DYNLRB2: variants seen among roughly 807,000 people sequenced by gnomAD.
The protein encoded by DYNLRB2 is dynein light chain roadblock-type 2.
Under a neutral mutation model 12.6 loss-of-function variants are expected in DYNLRB2, and 14 were observed. That is an observed-to-expected ratio of 1.11 (90% CI 0.73 to 1.73). DYNLRB2 has a LOEUF of 1.73. Ranked by LOEUF, DYNLRB2 falls within the 40% of genes most tolerant of loss-of-function variation. The pLI is 0.00. For synonymous variants in DYNLRB2, 53 were observed against 37.0 expected (o/e 1.43, Z -1.57); for missense variants, 142 against 117.7 (o/e 1.21, Z -0.95).
At chr16:80,550,170 T>C (rs1904751801) in intron 3 of DYNLRB2, among the ~76,000 whole-genome samples, 2 of 152,220 alleles carry the variant, frequency 1.3e-5, no homozygotes, top group Admixed American at 1.3e-4. Flanking sequence ...AACAAACCTC[T>C]GTAACAGCAA....
chr16:80,541,993 A>G (rs1233020450), intron 1 of DYNLRB2, among the ~76,000 whole-genome samples: 1 of 152,208 alleles, frequency 6.6e-6, no homozygotes. Flanking sequence ...TTCCTCTTCC[A>G]TTTTGTTCAA....
chr16:80,543,431 C>A, intron 2 of DYNLRB2, 80 bp downstream of exon 2: 1 of 1,354,378 alleles, frequency 7.4e-7, no homozygotes, highest in Non-Finnish European at 1.0e-6. Context: ...TTAAGACAAA[C>A]ATCTTCGAAT....
rs561988065 is a variant in DYNLRB2 at position 80,541,030 on chromosome 16, G to C, written c.-47G>C. ...CGGCGGGTAGCGTTGTTGACATCCC[G>C]GGAGGCTGTGCCGCCGGCCTGAGCC... On this transcript the variant is annotated 5_prime_UTR_variant, in exon 1 of 4. Transcript: ENST00000305904. 1.8e-5 allele frequency: 29 copies of C among 1,600,014 alleles called. No individual in the cohort carries two copies. Among genetic ancestry groups the C allele is most frequent in the Non-Finnish European group, 2.3e-5 (27 of 1,171,538 alleles).
intron 2 of DYNLRB2, among the ~76,000 whole-genome samples, chr16:80,543,988 C>A (rs1904317039): frequency 6.6e-6 from 1 of 152,188 alleles, no homozygotes; most frequent in Non-Finnish European, 1.5e-5. Context: ...CTTAAGAGTT[C>A]ATGCTAGTTT....
chr16:80,544,054 A>G (rs1567516502), intron 2 of DYNLRB2, among the ~76,000 whole-genome samples: 1 of 152,236 alleles, frequency 6.6e-6, no homozygotes, highest in Non-Finnish European at 1.5e-5. Context: ...CCAGAGCATT[A>G]GTTAAAATAA....
chr16:80,547,970 A>G (rs928148178), intron 2 of DYNLRB2: 2 of 323,212 alleles, frequency 6.2e-6, no homozygotes, highest in African/African-American at 2.2e-5. Flanking sequence ...TTCAAAGTCA[A>G]AATTGATGGT....
At chr16:80,541,770 T>C (rs1314625749) in intron 1 of DYNLRB2, among the ~76,000 whole-genome samples, 1 of 151,736 alleles carries the variant, frequency 6.6e-6, no homozygotes, top group Admixed American at 6.6e-5. Context: ...GTTTGGGAGA[T>C]AAGTAAAGGG....
At chr16:80,548,045 C>A in intron 2 of DYNLRB2, 1 of 312,848 alleles carries the variant, frequency 3.2e-6, no homozygotes, top group South Asian at 2.7e-5. Flanking sequence ...TTCTTGAAAG[C>A]GCTTGTCTCG....
chr16:80,543,602 A>C (rs184768018), intron 2 of DYNLRB2, among the ~76,000 whole-genome samples: 238 of 152,306 alleles, frequency 1.6e-3, no homozygotes, highest in Non-Finnish European at 3.0e-3. Context: ...AGCACTATAC[A>C]TTGTTTACTT....
chr16:80,542,959 C>A (rs1904302112), intron 1 of DYNLRB2, among the ~76,000 whole-genome samples: 1 of 152,122 alleles, frequency 6.6e-6, no homozygotes, highest in African/African-American at 2.4e-5. Context: ...GGACAAATTT[C>A]CATGCAATGT....
rs35885070 is a variant in DYNLRB2, at chr16:80,550,547, C to G, written c.280C>G (p.Pro94Ala). Residue 94 changes from proline to alanine, a missense_variant, in exon 4 of 4, where the codon CCA becomes GCA. Coordinates refer to ENST00000305904, the MANE Select transcript of DYNLRB2 (RefSeq NM_130897.3). ...ATATCTTCTGATCGTCATTCAGAAT[C>G]CATGTGAATAGACCTGCGATGGCCA... ...KEYLLIVIQN[P>A]CE 3 of 1,614,168 alleles carry G rather than the reference C, an allele frequency of 1.9e-6. No individual in the cohort carries two copies. Among genetic ancestry groups the G allele is most frequent in the African/African-American group, 1.3e-5 (1 of 75,040 alleles).
rs558101927 is a variant in DYNLRB2, at chr16:80,550,723, G to T, written c.*165G>T. ...TCATTTAGTCCCTTTTGATTATATT[G>T]TGAAGTTGTACTTTAGTGATACAAT... On this transcript the variant is annotated 3_prime_UTR_variant, in exon 4 of 4. Coordinates refer to ENST00000305904, the MANE Select transcript of DYNLRB2 (RefSeq NM_130897.3). 57 of 728,206 alleles carry T rather than the reference G, an allele frequency of 7.8e-5. No individual in the cohort carries two copies. Among genetic ancestry groups the T allele is most frequent in the Non-Finnish European group, 2.3e-6 (1 of 441,332 alleles). 45.1% of individuals were successfully genotyped at this position (728,206 alleles called of 1,614,324 possible).
At position 80,549,745 on chromosome 16, in the gene DYNLRB2, T is replaced by C. The variant is rs74031512; in HGVS notation, c.247+94T>C. The C allele has an allele frequency of 2.1e-3, 2,689 of 1,278,566 alleles. 49 individuals are homozygous for C. In the African/African-American group the frequency reaches 0.037, roughly 17 times the overall value. The allele number at this position is 1,278,566 out of a possible 1,614,324, so 79.2% of individuals were successfully genotyped here. On this transcript the variant is annotated intron_variant, in intron 3 of 3. Transcript: ENST00000305904. ...TGAATGGTAAGTACAGATTTTAGTA[T>C]AGAATATAAAACATAATATTCTTCT... is the stretch of plus-strand genomic sequence containing the variant.
At chr16:80,548,588 G>C (rs1010247702) in intron 2 of DYNLRB2, among the ~76,000 whole-genome samples, 1 of 152,002 alleles carries the variant, frequency 6.6e-6, no homozygotes, top group Non-Finnish European at 1.5e-5. Flanking sequence ...CGGGCGTGGT[G>C]GTGGGTTCCT....
At position 80,543,890 on chromosome 16, in the gene DYNLRB2, A is replaced by C. The variant is rs572228261; in HGVS notation, c.79+539A>C. On this transcript the variant is annotated intron_variant, in intron 2 of 3. Coordinates refer to ENST00000305904, the MANE Select transcript of DYNLRB2 (RefSeq NM_130897.3). Reference sequence around the variant, plus strand: ...CTATGAAATCTGTAGACTTACCAGAAACTTGCTCTTGCTGCACGATCCTTG... The same window carrying C: ...CTATGAAATCTGTAGACTTACCAGACACTTGCTCTTGCTGCACGATCCTTG... Among the ~76,000 whole-genome samples the C allele has an allele frequency of 2.3e-3, 343 of 152,332 alleles. 2 individuals carry two copies. Among genetic ancestry groups the C allele is most frequent in the African/African-American group, 7.6e-3 (315 of 41,576 alleles).
At chr16:80,540,775 G>C (rs546506208), upstream of DYNLRB2, 174 of 703,384 alleles carry the variant, frequency 2.5e-4, no homozygotes, top group African/African-American at 2.7e-3. Flanking sequence ...ATGAATGAAT[G>C]GACAAACACA....
At chr16:80,541,534 A>C in intron 1 of DYNLRB2, 1 of 405,426 alleles carries the variant, frequency 2.5e-6, no homozygotes, top group Non-Finnish European at 3.4e-6. Context: ...AAGAAAGGGA[A>C]ATAAAGAAAA....
At chr16:80,546,866 T>C (rs779249386) in intron 2 of DYNLRB2, among the ~76,000 whole-genome samples, 8 of 152,228 alleles carry the variant, frequency 5.3e-5, no homozygotes, top group Non-Finnish European at 1.0e-4. Flanking sequence ...AAATGTGCAG[T>C]TGAAGATGAC....
chr16:80,541,137 C>T (rs1904284652), intron 1 of DYNLRB2, 58 bp downstream of exon 1: 1 of 1,571,846 alleles, frequency 6.4e-7, no homozygotes, highest in Non-Finnish European at 8.6e-7. Flanking sequence ...CCGTCAAGGA[C>T]CTTCGCACCC....
Sources: gnomAD v4.1 joint callset for allele counts (sites outside exome capture counted in the v4.1 genomes callset) on GRCh38, gnomAD v4.1.1 for gene constraint, MANE v1.5 for transcripts, NCBI Gene and HGNC (gene_info 2026-07-23, HGNC 2026-07-21) for gene names.